DAB1: variants seen among roughly 807,000 people sequenced by gnomAD.
The protein encoded by DAB1 is DAB adaptor protein 1, also known as disabled homolog 1.
DAB1 carries 15 observed loss-of-function variants against 64.6 expected under a neutral mutation model. That is an observed-to-expected ratio of 0.23 (90% CI 0.16 to 0.36). The LOEUF (loss-of-function observed/expected upper bound fraction) is 0.36, where lower values mean the gene tolerates loss of function less well. DAB1 is among the 10% of genes least tolerant of loss of function. The probability of loss-of-function intolerance (pLI) is 1.00; values close to 1 mark genes in which losing one functional copy is unlikely to be tolerated. For missense variants in DAB1, 596 were observed against 706.7 expected (o/e 0.84, Z 1.78); for synonymous variants, 235 against 251.9 (o/e 0.93, Z 0.64).
chr1:58,102,276 AC>A (rs1460756376), intron 5 of DAB1, among the ~76,000 whole-genome samples: 2 of 152,136 alleles, frequency 1.3e-5, no homozygotes, highest in Admixed American at 1.3e-4. Flanking sequence ...GTTGAATAGG[AC>A]CTAGGAAAAG....
At chr1:58,048,739 T>A in intron 5 of DAB1, 1 of 1,308,102 alleles carries the variant, frequency 7.6e-7, no homozygotes, top group Non-Finnish European at 1.1e-6. Context: ...ACTAGCCATC[T>A]CTTGCTTTGA....
At chr1:58,371,740 G>A (rs72669832) in intron 3 of DAB1, among the ~76,000 whole-genome samples, 8,460 of 152,194 alleles carry the variant, frequency 0.056, 325 homozygotes, top group Middle Eastern at 0.099. Context: ...GACCTGCATC[G>A]CAGCTGCTCC....
chr1:58,190,662 G>A (rs896357552), intron 4 of DAB1, among the ~76,000 whole-genome samples: 1 of 152,160 alleles, frequency 6.6e-6, no homozygotes, highest in African/African-American at 2.4e-5. Flanking sequence ...AAGTTCTCAG[G>A]GGGCAGAGCC....
At chr1:57,305,646 G>A (rs1674072207) in intron 1 of DAB1, among the ~76,000 whole-genome samples, 1 of 152,140 alleles carries the variant, frequency 6.6e-6, no homozygotes, top group Non-Finnish European at 1.5e-5. Context: ...TCCTGTAACA[G>A]AGCATAAAAC....
intron 2 of DAB1, among the ~76,000 whole-genome samples, chr1:57,199,115 A>G (rs2100260449): frequency 6.6e-6 from 1 of 152,346 alleles, no homozygotes; most frequent in Non-Finnish European, 1.5e-5. Context: ...GACTCACGTC[A>G]CAGCATGTGA....
At chr1:57,700,079 T>C (rs2101729092) in intron 6 of DAB1, among the ~76,000 whole-genome samples, 1 of 152,288 alleles carries the variant, frequency 6.6e-6, no homozygotes, top group Admixed American at 6.5e-5. Flanking sequence ...AGTTTCCCAC[T>C]TTATTTGACT....
chr1:58,321,297 A>G lies in DAB1; in HGVS notation n.309+22055T>C, dbSNP rs1317162050. On this transcript the variant is annotated intron_variant and non_coding_transcript_variant, in intron 4 of 20. Transcript: ENST00000485760. ...TCTGGAAAGAGTTCTCTTAATATTC[A>G]TCATTCGCGAATAGTAACAGCTCCA... 2.0e-5 allele frequency among the ~76,000 whole-genome samples: 3 copies of G among 152,264 alleles called. 1 individual carries two copies. The East Asian group carries it at 5.8e-4, about 29-fold the overall frequency.
intron 4 of DAB1, among the ~76,000 whole-genome samples, chr1:58,166,868 C>T (rs1655867204): frequency 6.7e-6 from 1 of 149,426 alleles, no homozygotes; most frequent in Admixed American, 6.7e-5. Flanking sequence ...GCCTCAGCCT[C>T]GAGAGTAGCT....
chr1:58,043,228 G>T (rs777991729), intron 5 of DAB1, among the ~76,000 whole-genome samples: 15 of 152,126 alleles, frequency 9.9e-5, no homozygotes, highest in Non-Finnish European at 2.1e-4. Flanking sequence ...AGTGGCATTT[G>T]CTCCATCTAT....
At chr1:57,774,136 G>A (rs183482749) in intron 6 of DAB1, among the ~76,000 whole-genome samples, 7 of 151,850 alleles carry the variant, frequency 4.6e-5, no homozygotes, top group Non-Finnish European at 1.0e-4. Context: ...CAGCATTATG[G>A]TAAAGCTTCC....
intron 5 of DAB1, among the ~76,000 whole-genome samples, chr1:58,043,559 T>C (rs903821785): frequency 1.3e-5 from 2 of 152,216 alleles, no homozygotes; most frequent in African/African-American, 4.8e-5. Context: ...TCACAGTCAC[T>C]CCTACTCTAA....
At chr1:58,376,725 G>A (rs1392243060) in intron 3 of DAB1, among the ~76,000 whole-genome samples, 2 of 125,668 alleles carry the variant, frequency 1.6e-5, no homozygotes, top group East Asian at 2.2e-4. Flanking sequence ...TTCAATTCCT[G>A]GGTATCCTTG....
chr1:57,016,650 C>G (rs1646442588), intron 11 of DAB1, among the ~76,000 whole-genome samples: 1 of 151,564 alleles, frequency 6.6e-6, no homozygotes, highest in African/African-American at 2.4e-5. Flanking sequence ...TGCATCAGTA[C>G]AGGTTACACA....
chr1:57,271,062 G>A (rs1670957119), intron 2 of DAB1, among the ~76,000 whole-genome samples: 1 of 152,178 alleles, frequency 6.6e-6, no homozygotes, highest in Non-Finnish European at 1.5e-5. Context: ...GCCTCTGTAA[G>A]CCTTTCCCCA....
At chr1:57,885,577 T>C (rs769165820), upstream of DAB1, among the ~76,000 whole-genome samples, 10 of 152,226 alleles carry the variant, frequency 6.6e-5, no homozygotes, top group African/African-American at 9.6e-5. Flanking sequence ...TGTTGGGCTA[T>C]AGTGATTGAT....
intron 3 of DAB1, among the ~76,000 whole-genome samples, chr1:58,405,035 C>T (rs532293728): frequency 1.3e-5 from 2 of 152,210 alleles, no homozygotes; most frequent in African/African-American, 2.4e-5. Flanking sequence ...CATTCACACA[C>T]ACCATCACAT....
chr1:57,492,357 T>C (rs1000640578), intron 7 of DAB1, among the ~76,000 whole-genome samples: 5 of 152,242 alleles, frequency 3.3e-5, no homozygotes, highest in Admixed American at 6.5e-5. Flanking sequence ...TTTCTTTTTC[T>C]TAAAAATGGG....
chr1:57,733,801 G>A (rs760459449), intron 6 of DAB1, among the ~76,000 whole-genome samples: 1 of 152,120 alleles, frequency 6.6e-6, no homozygotes, highest in African/African-American at 2.4e-5. Context: ...TGAGATGGGG[G>A]AGATGGCAGA....
intron 6 of DAB1, among the ~76,000 whole-genome samples, chr1:57,649,891 G>A (rs1558575454): frequency 1.3e-5 from 2 of 152,158 alleles, no homozygotes; most frequent in South Asian, 2.1e-4. Context: ...TCTTAGAAGA[G>A]AATCAGGATA....
Sources: allele counts gnomAD v4.1 joint callset (sites outside exome capture counted in the v4.1 genomes callset), GRCh38; gene constraint gnomAD v4.1.1; transcripts MANE v1.5; gene names NCBI Gene and HGNC (gene_info 2026-07-23, HGNC 2026-07-21).